The following ANKRD31 variants were observed in gnomAD, a reference collection of about 807,000 sequenced individuals.
The protein encoded by ANKRD31 is ankyrin repeat domain 31, also known as ankyrin repeat domain-containing protein 31.
In ANKRD31, 147 loss-of-function variants were observed where a neutral mutation model predicts 186.0. The ratio of observed to expected loss-of-function variants is 0.79; its 90% CI spans 0.69 to 0.91. The LOEUF is 0.91. Among genes scored for constraint, ANKRD31 ranks in the 40% least tolerant of loss-of-function variants. The pLI is 0.00. For missense variants in ANKRD31, 1,986 were observed against 2,148.8 expected (o/e 0.92, Z 1.50); for synonymous variants, 673 against 736.4 (o/e 0.91, Z 1.39).
intron 1 of ANKRD31, among the ~76,000 whole-genome samples, chr5:75,234,833 G>T (rs77819698): frequency 0.5 from 75,826 of 150,302 alleles, 21,956 homozygotes; most frequent in African/African-American, 0.81. Flanking sequence ...ATACTTTTTG[G>T]TTTTTTTTTA....
intron 15 of ANKRD31, among the ~76,000 whole-genome samples, chr5:75,143,220 C>G (rs1751177887): frequency 1.3e-5 from 2 of 152,060 alleles, no homozygotes; most frequent in Admixed American, 1.3e-4. Flanking sequence ...AGATTTAGGG[C>G]CCACCTGGAT....
At chr5:75,132,739 G>A (rs973744423) in intron 17 of ANKRD31, among the ~76,000 whole-genome samples, 13 of 152,126 alleles carry the variant, frequency 8.5e-5, no homozygotes, top group African/African-American at 2.9e-4. Flanking sequence ...TTGAAATGAA[G>A]GAAAAAATGT....
chr5:75,137,808 C>A (rs1443352880), intron 17 of ANKRD31, 48 bp downstream of exon 17: 5 of 1,344,886 alleles, frequency 3.7e-6, no homozygotes, highest in Non-Finnish European at 4.8e-6. Context: ...TTTCTTCATT[C>A]ATTTCCTAAG....
At chr5:75,195,502 G>T in intron 7 of ANKRD31, 129 bp downstream of exon 7, 1 of 784,262 alleles carries the variant, frequency 1.3e-6, no homozygotes, top group Non-Finnish European at 1.9e-6. Flanking sequence ...ACTTGTTGAA[G>T]TTTAAAAGGC....
intron 11 of ANKRD31, among the ~76,000 whole-genome samples, chr5:75,160,937 C>G (rs1440416365): frequency 2.0e-5 from 3 of 152,142 alleles, no homozygotes; most frequent in Admixed American, 1.3e-4. Context: ...GTGAAGCCTC[C>G]CTAGCCACAT....
At chr5:75,083,292 A>G (rs1745223686) in intron 24 of ANKRD31, among the ~76,000 whole-genome samples, 1 of 152,196 alleles carries the variant, frequency 6.6e-6, no homozygotes, top group Non-Finnish European at 1.5e-5. Context: ...GAGATTTCAG[A>G]TTTCGGATTT....
intron 15 of ANKRD31, among the ~76,000 whole-genome samples, chr5:75,139,533 C>T (rs115987478): frequency 3.9e-5 from 6 of 152,244 alleles, no homozygotes; most frequent in Non-Finnish European, 7.4e-5. Flanking sequence ...ATGAACTGAT[C>T]ATGTTTTCCC....
At chr5:75,131,461 G>A (rs773098359) in intron 17 of ANKRD31, among the ~76,000 whole-genome samples, 5 of 152,190 alleles carry the variant, frequency 3.3e-5, no homozygotes, top group Non-Finnish European at 5.9e-5. Context: ...GAGGCTGGGG[G>A]AGGGGCGTCC....
In ANKRD31 at chr5:75,193,530, C is replaced by A. The variant is rs1755258593; in HGVS notation, c.1079G>T (p.Cys360Phe). 1.3e-6 allele frequency: 2 copies of A among 1,536,892 alleles called. No individual in the cohort carries two copies. The highest frequency in any genetic ancestry group is 1.7e-6 in the Non-Finnish European group (2 of 1,146,696). ...ATTTCTCTTATTACTTAGTGGCTCACAAGAAGTGATATTTTGATGAGCCAA... is the reference window on the plus strand; with the variant it reads ...ATTTCTCTTATTACTTAGTGGCTCAAAAGAAGTGATATTTTGATGAGCCAA... ...QTLAHQNITS[C>F]EPLSNKRNSN... The change falls in exon 8 of 26, where the codon TGT (cysteine) becomes TTT (phenylalanine). Residue 360 changes from cysteine (C) to phenylalanine (F), a missense_variant. Coordinates refer to ENST00000506364, the MANE Select transcript of ANKRD31 (RefSeq NM_001372053.1).
Position 75,118,317 on chromosome 5 carries a change from A to C in ANKRD31, c.3877-20T>G. ...AGCTGCCTACAAAGTATTTTTTCAA[A>C]GTTATCTCTACAGACACCAAAGATG... is the stretch of plus-strand genomic sequence containing the variant. On this transcript the variant is annotated intron_variant, in intron 17 of 25. Coordinates refer to ENST00000506364, the MANE Select transcript of ANKRD31 (RefSeq NM_001372053.1). 1 of 1,440,778 alleles carries C rather than the reference A, an allele frequency of 6.9e-7. No homozygotes were observed. Among genetic ancestry groups the C allele is most frequent in the Non-Finnish European group, 9.0e-7 (1 of 1,105,700 alleles). The allele number at this position is 1,440,778 out of a possible 1,614,324, so 89.2% of individuals were successfully genotyped here.
At chr5:75,073,865 A>G (rs1249702033) in intron 25 of ANKRD31, among the ~76,000 whole-genome samples, 1 of 152,206 alleles carries the variant, frequency 6.6e-6, no homozygotes, top group Non-Finnish European at 1.5e-5. Context: ...TCTTTTTAAA[A>G]AATTTTTTTT....
chr5:75,226,640 CAA>C (rs982321248), intron 2 of ANKRD31, among the ~76,000 whole-genome samples: 3 of 152,096 alleles, frequency 2.0e-5, no homozygotes, highest in Non-Finnish European at 2.9e-5. Context: ...AGAAGACATA[CAA>C]ATGGCAAACA....
At chr5:75,090,988 G>A (rs900346760) in intron 23 of ANKRD31, among the ~76,000 whole-genome samples, 2 of 152,180 alleles carry the variant, frequency 1.3e-5, no homozygotes, top group African/African-American at 4.8e-5. Flanking sequence ...TAAAAGTTCT[G>A]AGACTAGATA....
chr5:75,216,817 T>TA (rs149897224), intron 3 of ANKRD31, among the ~76,000 whole-genome samples: 6,786 of 151,670 alleles, frequency 0.045, 356 homozygotes, highest in African/African-American at 0.12. Flanking sequence ...ACATTTACTT[T>TA]AAAAAAAAAT....
Position 75,146,512 on chromosome 5 carries a change from G to A in ANKRD31, c.2899C>T (p.Pro967Ser). 6.5e-7 allele frequency: 1 copy of A among 1,536,532 alleles called. No homozygotes were observed. The highest frequency in any genetic ancestry group is 2.4e-5 in the East Asian group (1 of 40,886). Reference sequence around the variant, plus strand: ...GAAAAATTAACAGCTTCCTGTTCTGGAAGTGTGGTTAGGCTGACTGCTTTT... The same window carrying A: ...GAAAAATTAACAGCTTCCTGTTCTGAAAGTGTGGTTAGGCTGACTGCTTTT... ...ELKAVSLTTL[P>S]EQEAVNFSYS... The change falls in exon 14 of 26, where the codon CCA becomes TCA. Residue 967 changes from proline (P) to serine (S), a missense_variant. Pro to Ser is a moderately conservative substitution (Grantham distance 74, BLOSUM62 -1). Transcript: ENST00000506364.
At chr5:75,106,751 T>C (rs1016277231) in intron 21 of ANKRD31, among the ~76,000 whole-genome samples, 9 of 152,150 alleles carry the variant, frequency 5.9e-5, no homozygotes, top group African/African-American at 2.2e-4. Context: ...CACTGCTTTA[T>C]ATTGACAGGA....
intron 14 of ANKRD31, among the ~76,000 whole-genome samples, chr5:75,145,529 T>C (rs148251311): frequency 0.026 from 3,958 of 151,958 alleles, 158 homozygotes; most frequent in African/African-American, 0.09. Context: ...TAAGTGGGAA[T>C]TGAACAATGA....
chr5:75,126,435 C>A (rs570543254), intron 17 of ANKRD31, among the ~76,000 whole-genome samples: 95 of 151,938 alleles, frequency 6.3e-4, no homozygotes, highest in Non-Finnish European at 1.2e-3. Context: ...GAACAAGACT[C>A]CATCTCAAAA....
intron 12 of ANKRD31, among the ~76,000 whole-genome samples, chr5:75,149,193 T>C (rs1034605663): frequency 6.6e-6 from 1 of 151,864 alleles, no homozygotes; most frequent in African/African-American, 2.4e-5. Context: ...TAGCCTCCTT[T>C]ATGTAATAAA....
Sources: gnomAD v4.1 joint callset for allele counts (sites outside exome capture counted in the v4.1 genomes callset) on GRCh38, gnomAD v4.1.1 for gene constraint, MANE v1.5 for transcripts, NCBI Gene and HGNC (gene_info 2026-07-23, HGNC 2026-07-21) for gene names.